The following MAP3K5 variants were observed in gnomAD, a reference collection of about 807,000 sequenced individuals.
The protein encoded by MAP3K5 is ASK-1.
Under a neutral mutation model 158.7 loss-of-function variants are expected in MAP3K5, and 56 were observed. That is an observed-to-expected ratio of 0.35 (90% CI 0.28 to 0.44). The LOEUF (loss-of-function observed/expected upper bound fraction) is 0.44. MAP3K5 is among the 20% of genes least tolerant of loss of function. The probability of loss-of-function intolerance (pLI) is 1.00; values close to 1 mark genes in which losing one functional copy is unlikely to be tolerated. For missense variants in MAP3K5, 1,294 were observed against 1,674.8 expected (o/e 0.77, Z 3.97); for synonymous variants, 579 against 601.7 (o/e 0.96, Z 0.55).
chr6:136,678,526 ACTAT>A (rs889456108), intron 7 of MAP3K5, among the ~76,000 whole-genome samples: 47 of 152,322 alleles, frequency 3.1e-4, no homozygotes, highest in South Asian at 6.2e-4. Flanking sequence ...AAAGTGCAAA[ACTAT>A]CTATAAAGAT....
chr6:136,792,769 C>T (rs118163472), upstream of MAP3K5, among the ~76,000 whole-genome samples: 589 of 152,304 alleles, frequency 3.9e-3, 17 homozygotes, highest in South Asian at 0.057. The surrounding 1 kb of genome is among the most constrained non-coding windows in gnomAD (Gnocchi z 5.7). Flanking sequence ...CTTGCCTGGC[C>T]TCGTTTCTCT....
At chr6:136,731,298 T>C (rs1782213965) in intron 1 of MAP3K5, among the ~76,000 whole-genome samples, 1 of 152,196 alleles carries the variant, frequency 6.6e-6, no homozygotes, top group Admixed American at 6.5e-5. Context: ...TCCTGTGCCA[T>C]TGTAACTAAT....
chr6:136,706,197 C>T (rs918672715), intron 2 of MAP3K5, among the ~76,000 whole-genome samples: 3 of 151,886 alleles, frequency 2.0e-5, no homozygotes, highest in Admixed American at 6.6e-5. Flanking sequence ...ATCCAAGAGG[C>T]GGAGGCTGCG....
intron 1 of MAP3K5, among the ~76,000 whole-genome samples, chr6:136,744,141 A>G (rs1353946329): frequency 1.3e-5 from 2 of 152,186 alleles, no homozygotes; most frequent in Admixed American, 6.5e-5. Context: ...ACCAAGAATG[A>G]ACCCTAATGT....
intron 1 of MAP3K5, among the ~76,000 whole-genome samples, chr6:136,789,770 C>T (rs1256401776): frequency 1.3e-5 from 2 of 149,180 alleles, no homozygotes; most frequent in Non-Finnish European, 3.0e-5. Flanking sequence ...CTCACTGCAA[C>T]CTCTGCCTCC....
At chr6:136,713,326 CAA>C (rs1781391406) in intron 2 of MAP3K5, among the ~76,000 whole-genome samples, 1 of 152,002 alleles carries the variant, frequency 6.6e-6, no homozygotes, top group Non-Finnish European at 1.5e-5. Context: ...AAAATGGTAA[CAA>C]GAGATTCAAA....
At position 136,594,200 on chromosome 6, in the gene MAP3K5, C is replaced by G. The variant is rs1204829171; in HGVS notation, c.2879-1586G>C. Among the ~76,000 whole-genome samples the G allele has an allele frequency of 2.0e-5, 3 of 152,312 alleles. No individual in the cohort carries two copies. In the East Asian group the frequency reaches 5.8e-4, roughly 29 times the overall value. On this transcript the variant is annotated intron_variant, in intron 21 of 29. Transcript: ENST00000359015. ...CTGGCATGTATTGTTTCCACATATT[C>G]TGGAGCAGCTCATGGGCCTAGCATT...
At chr6:136,585,501 A>C (rs150044638) in intron 23 of MAP3K5, among the ~76,000 whole-genome samples, 8,731 of 121,818 alleles carry the variant, frequency 0.072, 486 homozygotes, top group East Asian at 0.17. Context: ...TTATTTATTT[A>C]TTTATTTATT....
At chr6:136,592,363 A>G (rs775124733) in intron 22 of MAP3K5, 22 bp from the exon 23 acceptor site, 3 of 1,593,542 alleles carry the variant, frequency 1.9e-6, no homozygotes, top group Non-Finnish European at 1.7e-6. Flanking sequence ...TATGCAGCAT[A>G]AATCACAGTT....
chr6:136,565,992 A>G (rs1032379035), intron 26 of MAP3K5, among the ~76,000 whole-genome samples: 4 of 152,196 alleles, frequency 2.6e-5, no homozygotes, highest in African/African-American at 9.7e-5. Context: ...GGTAAATACT[A>G]GTCTTTTCAA....
chr6:136,620,733 G>A (rs1289520669), intron 15 of MAP3K5, among the ~76,000 whole-genome samples: 1 of 152,212 alleles, frequency 6.6e-6, no homozygotes, highest in Non-Finnish European at 1.5e-5. Context: ...ACACACAACT[G>A]TGTATCATAC....
rs529035720 is a variant in MAP3K5 at position 136,749,090 on chromosome 6, G to A, written c.449-28501C>T. ...ACAGTGGCTCATGCCTATAATCCCA[G>A]TACTTTGAGAGGCCAAAGCTGTTGT... On this transcript the variant is annotated intron_variant, in intron 1 of 29. Coordinates refer to ENST00000359015, the MANE Select transcript of MAP3K5 (RefSeq NM_005923.4). Among the ~76,000 whole-genome samples, 7 of 152,334 alleles carry A rather than the reference G, an allele frequency of 4.6e-5. No homozygotes were observed. In the South Asian group the frequency reaches 1.4e-3, roughly 32 times the overall value.
intron 21 of MAP3K5, among the ~76,000 whole-genome samples, chr6:136,595,698 G>A (rs565926770): frequency 6.6e-5 from 10 of 152,166 alleles, no homozygotes; most frequent in Non-Finnish European, 1.3e-4. Flanking sequence ...GGTGTTATTT[G>A]ACAGTTCAGT....
chr6:136,697,437 A>G (rs1361859995), intron 4 of MAP3K5, 50 bp from the exon 5 acceptor site: 3 of 1,422,886 alleles, frequency 2.1e-6, no homozygotes, highest in Non-Finnish European at 2.9e-6. Context: ...AAACAATTTC[A>G]ATGAAAAGCA....
chr6:136,591,374 G>A (rs1775379683), intron 23 of MAP3K5, among the ~76,000 whole-genome samples: 1 of 152,246 alleles, frequency 6.6e-6, no homozygotes, highest in African/African-American at 2.4e-5. Context: ...TCCAGGGCGG[G>A]TGCCCGCCTG....
intron 1 of MAP3K5, among the ~76,000 whole-genome samples, chr6:136,785,007 TGGTTCGTGGGAA>T (rs552373651): frequency 3.4e-4 from 52 of 152,338 alleles, no homozygotes; most frequent in Middle Eastern, 3.4e-3. Flanking sequence ...TTTTTTTAAC[TGGTTCGTGGGAA>T]CCACTATTTA....
At chr6:136,677,346 C>T (rs557520811) in intron 7 of MAP3K5, among the ~76,000 whole-genome samples, 1 of 151,938 alleles carries the variant, frequency 6.6e-6, no homozygotes, top group South Asian at 2.1e-4. Context: ...ACCGTGTTAA[C>T]CAGGATGGTC....
chr6:136,616,838 C>T (rs1776587518), intron 15 of MAP3K5, among the ~76,000 whole-genome samples: 1 of 152,012 alleles, frequency 6.6e-6, no homozygotes, highest in Non-Finnish European at 1.5e-5. Context: ...AAGCAATGCT[C>T]CCATTTCAGC....
At chr6:136,653,928 T>G (rs1326651005) in intron 10 of MAP3K5, among the ~76,000 whole-genome samples, 1 of 152,106 alleles carries the variant, frequency 6.6e-6, no homozygotes, top group African/African-American at 2.4e-5. Flanking sequence ...AGTTATGAAT[T>G]CTGATGTAGG....
Sources: gnomAD v4.1 joint callset for allele counts (sites outside exome capture counted in the v4.1 genomes callset) on GRCh38, gnomAD v4.1.1 for gene constraint, Gnocchi (gnomAD v3.1) non-coding constraint, MANE v1.5 for transcripts, NCBI Gene and HGNC (gene_info 2026-07-23, HGNC 2026-07-21) for gene names.